ATRNL1: variants seen among roughly 807,000 people sequenced by gnomAD.
The protein encoded by ATRNL1 is attractin like 1.
A neutral mutation model predicts 182.7 loss-of-function variants in ATRNL1; 95 were observed. That is an observed-to-expected ratio of 0.52 (90% CI 0.44 to 0.62). The LOEUF (loss-of-function observed/expected upper bound fraction) is 0.62. Ranked by LOEUF, ATRNL1 falls within the 20% of genes least tolerant of loss-of-function variation. The probability of loss-of-function intolerance (pLI) is 0.00; values close to 1 mark genes in which losing one functional copy is unlikely to be tolerated. For missense variants in ATRNL1, 1,471 were observed against 1,679.5 expected, an observed-to-expected ratio of 0.88 and a Z score of 2.17; for synonymous variants, 576 against 568.3, an observed-to-expected ratio of 1.01 and a Z score of -0.19.
At chr10:115,354,078 C>G in intron 19 of ATRNL1, among the ~76,000 whole-genome samples, 1 of 152,090 alleles carries the variant, frequency 6.6e-6, no homozygotes. Context: ...CACATGCAGC[C>G]CAGGACAGCT....
At chr10:115,585,928 A>T in intron 26 of ATRNL1, among the ~76,000 whole-genome samples, 1 of 10,186 alleles carries the variant, frequency 9.8e-5, no homozygotes, top group African/African-American at 1.7e-4. Context: ...TTCCTTCAGG[A>T]GCTCTTTTAG....
chr10:115,335,813 AAATT>A (rs1475843355), intron 19 of ATRNL1, among the ~76,000 whole-genome samples: 1 of 152,024 alleles, frequency 6.6e-6, no homozygotes, highest in Non-Finnish European at 1.5e-5. Context: ...TGGCAAATAT[AAATT>A]TTACATTTTG....
intron 18 of ATRNL1, among the ~76,000 whole-genome samples, chr10:115,328,956 T>C (rs1855060302): frequency 1.3e-5 from 2 of 152,178 alleles, no homozygotes; most frequent in Non-Finnish European, 2.9e-5. Context: ...TTCAACATAC[T>C]GATTTTATTT....
intron 20 of ATRNL1, among the ~76,000 whole-genome samples, chr10:115,414,606 C>T (rs782367759): frequency 2.6e-5 from 4 of 151,810 alleles, no homozygotes; most frequent in Admixed American, 6.6e-5. Flanking sequence ...TTTCTTTCTC[C>T]CTCTTCCAGT....
chr10:115,705,669 A>G (rs1946874900), intron 26 of ATRNL1, among the ~76,000 whole-genome samples: 1 of 151,960 alleles, frequency 6.6e-6, no homozygotes, highest in South Asian at 2.1e-4. Flanking sequence ...AGATTACTGT[A>G]AGATCACTGT....
chr10:115,868,641 G>C (rs1447495510), intron 28 of ATRNL1, among the ~76,000 whole-genome samples: 1 of 152,016 alleles, frequency 6.6e-6, no homozygotes, highest in Non-Finnish European at 1.5e-5. Context: ...AGTTCGCCCA[G>C]GGTCATACAG....
chr10:115,212,302 CTT>C (rs57431916), intron 8 of ATRNL1, among the ~76,000 whole-genome samples: 20 of 144,634 alleles, frequency 1.4e-4, no homozygotes, highest in Admixed American at 2.1e-4. Flanking sequence ...TTTTTTTTAA[CTT>C]TTTTTTTTTT....
At chr10:115,916,709 A>G (rs1555117344) in intron 28 of ATRNL1, among the ~76,000 whole-genome samples, 1 of 152,118 alleles carries the variant, frequency 6.6e-6, no homozygotes, top group African/African-American at 2.4e-5. Context: ...AGACTGCCAG[A>G]CATCCAACTC....
chr10:115,501,016 C>G (rs1849807500), intron 24 of ATRNL1, among the ~76,000 whole-genome samples: 1 of 144,316 alleles, frequency 6.9e-6, no homozygotes, highest in South Asian at 2.2e-4. Flanking sequence ...GCAACCTCTG[C>G]CTCCTGGATT....
intron 24 of ATRNL1, among the ~76,000 whole-genome samples, chr10:115,496,489 T>C (rs1554978318): frequency 1.3e-5 from 2 of 152,140 alleles, no homozygotes; most frequent in Admixed American, 6.5e-5. Flanking sequence ...TATATTCAGA[T>C]GATTATGTGG....
At chr10:115,316,813 G>T (rs1854322508) in intron 18 of ATRNL1, among the ~76,000 whole-genome samples, 1 of 151,866 alleles carries the variant, frequency 6.6e-6, no homozygotes, top group South Asian at 2.1e-4. Context: ...CTGGATATTA[G>T]ACCTATGTCA....
chr10:115,410,944 G>T (rs1411548484), intron 20 of ATRNL1, among the ~76,000 whole-genome samples: 2 of 151,872 alleles, frequency 1.3e-5, no homozygotes, highest in South Asian at 4.1e-4. Context: ...TACCATGTTG[G>T]CCAGGCTGGT....
intron 26 of ATRNL1, among the ~76,000 whole-genome samples, chr10:115,652,554 T>A (rs2133884403): frequency 6.6e-6 from 1 of 152,202 alleles, no homozygotes; most frequent in East Asian, 1.9e-4. Flanking sequence ...ATATTTACGA[T>A]AACTAGAAGA....
chr10:115,272,517 A>G (rs1341941886), intron 13 of ATRNL1, among the ~76,000 whole-genome samples: 1 of 152,192 alleles, frequency 6.6e-6, no homozygotes, highest in African/African-American at 2.4e-5. Context: ...GAATTAAGAC[A>G]TCTAGGTCAG....
chr10:115,760,837 G>T (rs1383792254), intron 27 of ATRNL1, among the ~76,000 whole-genome samples: 1 of 152,168 alleles, frequency 6.6e-6, no homozygotes, highest in Non-Finnish European at 1.5e-5. Context: ...ATCAGACAAG[G>T]TATAGTTTGT....
chr10:115,867,127 T>C (rs1039249898), intron 28 of ATRNL1, among the ~76,000 whole-genome samples: 7 of 152,210 alleles, frequency 4.6e-5, no homozygotes, highest in African/African-American at 1.7e-4. Context: ...GTAAAAAACA[T>C]ATTTTTTTCT....
chr10:115,282,972 G>T (rs781896320), intron 14 of ATRNL1, among the ~76,000 whole-genome samples: 12 of 151,258 alleles, frequency 7.9e-5, no homozygotes, highest in Middle Eastern at 6.8e-3. Flanking sequence ...CCCTCCCCTA[G>T]CCCCCTACCC....
intron 26 of ATRNL1, among the ~76,000 whole-genome samples, chr10:115,675,983 C>T (rs1945849652): frequency 6.6e-6 from 1 of 151,998 alleles, no homozygotes; most frequent in Non-Finnish European, 1.5e-5. Context: ...AAGTTCCAAG[C>T]CCTTTGTAGT....
intron 21 of ATRNL1, among the ~76,000 whole-genome samples, chr10:115,458,402 A>C (rs940283118): frequency 1.3e-5 from 2 of 152,110 alleles, no homozygotes; most frequent in Non-Finnish European, 2.9e-5. Context: ...ACATTCATTC[A>C]TTGGTATTCT....
Sources: allele counts gnomAD v4.1 joint callset (sites outside exome capture counted in the v4.1 genomes callset), GRCh38; gene constraint gnomAD v4.1.1; transcripts MANE v1.5; gene names NCBI Gene and HGNC (gene_info 2026-07-23, HGNC 2026-07-21).